The following NLRP1 variants were observed in gnomAD, a reference collection of about 807,000 sequenced individuals.
NLRP1 encodes NACHT, LRR and PYD domains-containing protein 1.
Under a neutral mutation model 136.7 loss-of-function variants are expected in NLRP1, and 94 were observed. The observed-to-expected ratio is 0.69, with a 90% CI of 0.58 to 0.82. NLRP1 has a LOEUF of 0.82. NLRP1 is among the 40% of genes least tolerant of loss of function. The probability of loss-of-function intolerance (pLI) is 0.00; values close to 1 mark genes in which losing one functional copy is unlikely to be tolerated. For missense variants in NLRP1, 1,575 were observed against 1,802.7 expected, an observed-to-expected ratio of 0.87 and a Z score of 2.29; for synonymous variants, 690 against 725.1, an observed-to-expected ratio of 0.95 and a Z score of 0.78.
intron 14 of NLRP1, among the ~76,000 whole-genome samples, chr17:5,519,439 C>G (rs954657188): frequency 6.6e-6 from 1 of 150,768 alleles, no homozygotes; most frequent in Non-Finnish European, 1.5e-5. Flanking sequence ...AGCCACCACA[C>G]CTGGCCTTTT....
chr17:5,539,604 C>A lies in NLRP1; in HGVS notation c.2700-19G>T, dbSNP rs7223362. The A allele has an allele frequency of 3.1e-6, 5 of 1,591,650 alleles. No individual in the cohort carries two copies. Among genetic ancestry groups the A allele is most frequent in the Non-Finnish European group, 4.3e-6 (5 of 1,169,780 alleles). ...GACCAGCCTGCAGGAAAGATACACG[C>A]CAGCCCAGGTCATTGTCCTAAGGGC... is the stretch of plus-strand genomic sequence containing the variant. On this transcript the variant is annotated intron_variant, in intron 6 of 16. Transcript: ENST00000572272.
Position 5,514,984 on chromosome 17 carries a change from C to A in NLRP1, c.4192G>T (p.Val1398Phe), listed in dbSNP as rs1907894221. 14 of 1,614,204 alleles carry A rather than the reference C, an allele frequency of 8.7e-6. No individual in the cohort carries two copies. The East Asian group carries it at 3.1e-4, about 36-fold the overall frequency. ...QLIARVTSVE[V>F]VLDKLHGQVL... Reference sequence around the variant, plus strand: ...TGTCCATGCAGTTTGTCCAAGACAACCTCCACCGATGTCACTCGGGCTATC... The same window carrying A: ...TGTCCATGCAGTTTGTCCAAGACAAACTCCACCGATGTCACTCGGGCTATC... Residue 1398 changes from valine (V) to phenylalanine (F), a missense_variant, in exon 17 of 17, where the codon GTT becomes TTT. Val to Phe is a conservative substitution (Grantham distance 50). Transcript: ENST00000572272.
chr17:5,571,004 AG>A (rs1188521370), intron 3 of NLRP1, among the ~76,000 whole-genome samples: 1 of 152,146 alleles, frequency 6.6e-6, no homozygotes. Context: ...GAAGTAAAAA[AG>A]CCCCCACATG....
Position 5,537,036 on chromosome 17 carries a change from C to T in NLRP1, c.2871-96G>A. 2 of 819,636 alleles carry T rather than the reference C, an allele frequency of 2.4e-6. No individual in the cohort carries two copies. Among genetic ancestry groups the T allele is most frequent in the East Asian group, 2.5e-5 (1 of 39,508 alleles). 50.8% of individuals were successfully genotyped at this position (819,636 alleles called of 1,614,324 possible). A position where few individuals can be genotyped will look rare whatever the true frequency, so the allele number is the denominator to read the frequency against. On this transcript the variant is annotated intron_variant, in intron 7 of 16. Coordinates refer to ENST00000572272, the MANE Select transcript of NLRP1 (RefSeq NM_033004.4). This position sits in a 1 kb window ranked among gnomAD's most constrained non-coding sequence, Gnocchi z 4.5. ...TCCTGGGACCTGTCACCTTCTGAGG[C>T]AGCGGCCGCAGGGTGGGTTCCCTGG...
At chr17:5,533,098 G>A in intron 10 of NLRP1, 114 bp from the exon 11 acceptor site, 1 of 1,428,618 alleles carries the variant, frequency 7.0e-7, no homozygotes, top group Non-Finnish European at 9.4e-7. Context: ...ACCATGGCAG[G>A]GAGTGTGTCT....
chr17:5,541,971 C>T lies in NLRP1; in HGVS notation c.2585G>A (p.Arg862Lys). 1.2e-6 allele frequency: 2 copies of T among 1,614,138 alleles called. No homozygotes were observed. The highest frequency in any genetic ancestry group is 1.7e-6 in the Non-Finnish European group (2 of 1,180,016). ...EDCKDLAFGL[R>K]ANQTLTELDL... ...CAGCTCGGTCAGGGTCTGGTTGGCT[C>T]TCAGCCCAAAGGCAAGGTCCTTGCA... Residue 862 changes from arginine (R) to lysine (K), a missense_variant, in exon 6 of 17, where the codon AGA (arginine) becomes AAA (lysine). Coordinates refer to ENST00000572272, the MANE Select transcript of NLRP1 (RefSeq NM_033004.4). This position sits in a 1 kb window ranked among gnomAD's most constrained non-coding sequence, Gnocchi z 4.2.
At chr17:5,517,214 T>C (rs1209940441) in intron 15 of NLRP1, among the ~76,000 whole-genome samples, 1 of 152,026 alleles carries the variant, frequency 6.6e-6, no homozygotes, top group Non-Finnish European at 1.5e-5. Flanking sequence ...GGAGAGAACA[T>C]AAATTTTAGA....
At chr17:5,560,426 T>C (rs1914604173) in intron 3 of NLRP1, among the ~76,000 whole-genome samples, 1 of 152,066 alleles carries the variant, frequency 6.6e-6, no homozygotes, top group South Asian at 2.1e-4. Flanking sequence ...CTGGGGGTTG[T>C]AGGTCATGGA....
At chr17:5,528,448 G>C (rs949559877) in intron 12 of NLRP1, among the ~76,000 whole-genome samples, 1 of 152,100 alleles carries the variant, frequency 6.6e-6, no homozygotes, top group Admixed American at 6.6e-5. Flanking sequence ...ATGCCCATAT[G>C]ACCCTGACTG....
chr17:5,554,060 G>A (rs1175214747), intron 4 of NLRP1, among the ~76,000 whole-genome samples: 1 of 152,154 alleles, frequency 6.6e-6, no homozygotes, highest in African/African-American at 2.4e-5. Flanking sequence ...GAAAGAAGAC[G>A]GGAGGCAGTA....
intron 5 of NLRP1, among the ~76,000 whole-genome samples, chr17:5,548,641 C>T (rs1324730085): frequency 6.6e-6 from 1 of 152,202 alleles, no homozygotes; most frequent in Non-Finnish European, 1.5e-5. Flanking sequence ...CTCTTTAATG[C>T]ACTCCAGTCT....
At chr17:5,531,160 ATCTAATCTATCTAATCT>A (rs1307958724) in intron 11 of NLRP1, among the ~76,000 whole-genome samples, 26 of 146,142 alleles carry the variant, frequency 1.8e-4, no homozygotes, top group Admixed American at 1.1e-3. Context: ...CTATCTATCT[ATCTAATCTATCTAATCT>A]ATCTATCTAT....
At chr17:5,507,690 G>A (rs531436510) in intron 15 of NLRP1, among the ~76,000 whole-genome samples, 2 of 152,352 alleles carry the variant, frequency 1.3e-5, no homozygotes, top group African/African-American at 4.8e-5. Context: ...CAGGCATGGT[G>A]GCACGTGCCT....
At chr17:5,557,464 T>C (rs1914220367) in intron 4 of NLRP1, among the ~76,000 whole-genome samples, 1 of 152,236 alleles carries the variant, frequency 6.6e-6, no homozygotes, top group South Asian at 2.1e-4. Context: ...CACAGTACCT[T>C]GTCCATACCT....
Position 5,558,884 on chromosome 17 carries a change from G to A in NLRP1, c.1812C>T (p.Phe604=), listed in dbSNP as rs985147027. Residue 604 remains phenylalanine, a synonymous_variant, in exon 4 of 17, where the codon TTC becomes TTT. Transcript: ENST00000572272. The stretch of plus-strand genomic sequence containing the variant: ...GCTCTTGAAGAATACCCATCTTCAA[G>A]AAGGTGGAGATGATGGCCCCATCTA... ...HGLDGAIIST[F]LKMGILQEHP... is the part of the protein sequence containing the mutation. 6.2e-7 allele frequency: 1 copy of A among 1,614,162 alleles called. No homozygotes were observed. Among genetic ancestry groups the A allele is most frequent in the Non-Finnish European group, 8.5e-7 (1 of 1,180,004 alleles).
At chr17:5,573,939 GGAAC>G (rs1374581045) in intron 3 of NLRP1, among the ~76,000 whole-genome samples, 13 of 152,198 alleles carry the variant, frequency 8.5e-5, no homozygotes, top group African/African-American at 2.7e-4. Context: ...CGCCAGCAAT[GGAAC>G]AAAGCTGGAC....
At chr17:5,566,792 C>CTA (rs1241594195) in intron 3 of NLRP1, among the ~76,000 whole-genome samples, 5 of 152,130 alleles carry the variant, frequency 3.3e-5, no homozygotes, top group Admixed American at 3.3e-4. Context: ...GTATTGAGGC[C>CTA]TATCTCTCTC....
At chr17:5,510,074 T>C (rs1907547756), downstream of NLRP1, among the ~76,000 whole-genome samples, 1 of 139,176 alleles carries the variant, frequency 7.2e-6, no homozygotes, top group East Asian at 2.0e-4. Flanking sequence ...CTTCTTCTTC[T>C]TTTTTTTTTT....
chr17:5,508,135 G>GAAA (rs58304391), intron 15 of NLRP1, among the ~76,000 whole-genome samples: 38,702 of 140,732 alleles, frequency 0.28, 5,498 homozygotes, highest in African/African-American at 0.38. Context: ...CTCGGTCTCA[G>GAAA]AAAAAAAAAA....
Sources: gnomAD v4.1 joint callset for allele counts (sites outside exome capture counted in the v4.1 genomes callset) on GRCh38, gnomAD v4.1.1 for gene constraint, Gnocchi (gnomAD v3.1) non-coding constraint, MANE v1.5 for transcripts, NCBI Gene and HGNC (gene_info 2026-07-23, HGNC 2026-07-21) for gene names.